The following SNCAIP variants were observed in gnomAD, a reference collection of about 807,000 sequenced individuals.
SNCAIP encodes synuclein alpha interacting protein.
SNCAIP carries 43 observed loss-of-function variants against 86.7 expected under a neutral mutation model. The ratio of observed to expected loss-of-function variants is 0.50; its 90% CI spans 0.39 to 0.64. The LOEUF is 0.64. SNCAIP is among the 30% of genes least tolerant of loss of function. SNCAIP has a pLI of 0.00. For synonymous variants in SNCAIP, 417 were observed against 427.2 expected, an observed-to-expected ratio of 0.98 and a Z score of 0.29; for missense variants, 981 against 1,103.1, an observed-to-expected ratio of 0.89 and a Z score of 1.57.
chr5:122,391,235 C>T lies in SNCAIP; in HGVS notation c.57+44C>T, dbSNP rs745721831. On this transcript the variant is annotated intron_variant, in intron 2 of 10. Coordinates refer to ENST00000261368, the MANE Select transcript of SNCAIP (RefSeq NM_005460.4). ...AAGAAATGCTTTCAAGATAATCTGC[C>T]TTCAACTTCATAGCCTACTTTCTCC... 6 of 1,334,288 alleles carry T rather than the reference C, an allele frequency of 4.5e-6. No individual in the cohort carries two copies. The East Asian group carries it at 9.2e-5, about 20-fold the overall frequency. The allele number at this position is 1,334,288 out of a possible 1,614,324, so 82.7% of individuals were successfully genotyped here.
At chr5:122,416,562 T>C (rs1775350625) in intron 3 of SNCAIP, among the ~76,000 whole-genome samples, 2 of 152,176 alleles carry the variant, frequency 1.3e-5, no homozygotes, top group Non-Finnish European at 2.9e-5. Context: ...TGACTCAGCC[T>C]TAACTTTGAT....
chr5:122,451,895 C>G, intron 10 of SNCAIP: 1 of 326,666 alleles, frequency 3.1e-6, no homozygotes. Context: ...TGTTAGGGTC[C>G]TAGACTTGGA....
intron 1 of SNCAIP, among the ~76,000 whole-genome samples, chr5:122,347,913 G>C (rs1348665897): frequency 6.6e-6 from 1 of 152,018 alleles, no homozygotes; most frequent in African/African-American, 2.4e-5. Flanking sequence ...TAAGCTAAAA[G>C]TGTTTCCCTT....
intron 1 of SNCAIP, among the ~76,000 whole-genome samples, chr5:122,377,516 GA>G (rs1765606882): frequency 1.3e-5 from 2 of 151,548 alleles, no homozygotes; most frequent in South Asian, 4.2e-4. Context: ...GAGAGAGAGA[GA>G]GAGAAAGAAA....
At chr5:122,422,028 ACC>A (rs760446591) in intron 3 of SNCAIP, among the ~76,000 whole-genome samples, 2 of 95,086 alleles carry the variant, frequency 2.1e-5, no homozygotes, top group South Asian at 3.0e-4. Flanking sequence ...AAAAAAAAAA[ACC>A]ACTCTGCCTG....
At chr5:122,376,079 G>T (rs1765245685) in intron 1 of SNCAIP, among the ~76,000 whole-genome samples, 1 of 152,158 alleles carries the variant, frequency 6.6e-6, no homozygotes, top group Non-Finnish European at 1.5e-5. Flanking sequence ...GAATCAGCAA[G>T]TCTGGGATTT....
chr5:122,375,904 A>G (rs2152803338), intron 1 of SNCAIP, among the ~76,000 whole-genome samples: 1 of 152,170 alleles, frequency 6.6e-6, no homozygotes, highest in Admixed American at 6.6e-5. Flanking sequence ...GCATGTGGGG[A>G]AGAGGTCACC....
chr5:122,362,499 A>G (rs1467565824), intron 1 of SNCAIP, among the ~76,000 whole-genome samples: 4 of 152,218 alleles, frequency 2.6e-5, no homozygotes, highest in Non-Finnish European at 5.9e-5. Flanking sequence ...AGAGCTATCT[A>G]GAGGAACTCT....
Position 122,398,277 on chromosome 5 carries a change from A to G in SNCAIP, c.58-5516A>G, listed in dbSNP as rs577364363. 3.9e-5 allele frequency among the ~76,000 whole-genome samples: 6 copies of G among 152,172 alleles called. No individual in the cohort carries two copies. In the South Asian group the frequency reaches 1.2e-3, roughly 32 times the overall value. On this transcript the variant is annotated intron_variant, in intron 2 of 10. Transcript: ENST00000261368. ...AGAGAGGAAAGAATGGTGGCAGGCA[A>G]GAGTCCTTAGGAGATGAGAAAAGAG...
chr5:122,324,505 G>A (rs1580776798), intron 1 of SNCAIP, among the ~76,000 whole-genome samples: 1 of 152,250 alleles, frequency 6.6e-6, no homozygotes, highest in East Asian at 1.9e-4. Context: ...TGTATGATCA[G>A]TATATGTCTG....
intron 1 of SNCAIP, among the ~76,000 whole-genome samples, chr5:122,363,371 C>T (rs1056304577): frequency 2.0e-5 from 3 of 152,106 alleles, no homozygotes; most frequent in Non-Finnish European, 2.9e-5. Context: ...TGTTGTCTTT[C>T]TTGCCTGTTC....
At chr5:122,444,998 G>A in intron 8 of SNCAIP, 1 of 481,220 alleles carries the variant, frequency 2.1e-6, no homozygotes, top group Non-Finnish European at 3.8e-6. Context: ...CAAGGCGAGA[G>A]AGCCTCTCTC....
chr5:122,343,482 A>G (rs1170299651), intron 1 of SNCAIP, among the ~76,000 whole-genome samples: 1 of 152,236 alleles, frequency 6.6e-6, no homozygotes, highest in Non-Finnish European at 1.5e-5. Context: ...AGTTTTTCTT[A>G]AAACTGAAAT....
chr5:122,394,555 C>T (rs1770176199), intron 2 of SNCAIP, among the ~76,000 whole-genome samples: 1 of 152,182 alleles, frequency 6.6e-6, no homozygotes. Context: ...GACACATAAG[C>T]ACAAAGGTTT....
intron 3 of SNCAIP, among the ~76,000 whole-genome samples, chr5:122,412,881 C>T (rs990602425): frequency 6.6e-6 from 1 of 152,326 alleles, no homozygotes. Context: ...CCCTGATGTC[C>T]CACATCAATT....
chr5:122,426,761 G>C (rs1015799457), intron 5 of SNCAIP, among the ~76,000 whole-genome samples: 3 of 152,094 alleles, frequency 2.0e-5, no homozygotes, highest in African/African-American at 4.8e-5. Context: ...CATGAAGAAA[G>C]ATAAATAGAA....
chr5:122,458,215 A>G (rs1256971576), intron 10 of SNCAIP, among the ~76,000 whole-genome samples: 1 of 152,202 alleles, frequency 6.6e-6, no homozygotes, highest in African/African-American at 2.4e-5. Flanking sequence ...GTGAACACCC[A>G]TGAACCAACA....
chr5:122,409,278 T>C (rs184092723), intron 3 of SNCAIP, among the ~76,000 whole-genome samples: 85 of 152,332 alleles, frequency 5.6e-4, no homozygotes, highest in East Asian at 3.7e-3. Flanking sequence ...TCAAAACATA[T>C]TCAGTTTCAT....
intron 1 of SNCAIP, among the ~76,000 whole-genome samples, chr5:122,317,859 A>C (rs1041449981): frequency 6.6e-6 from 1 of 151,860 alleles, no homozygotes; most frequent in Non-Finnish European, 1.5e-5. Flanking sequence ...TCCTCCACCT[A>C]ATCAGTCACC....
Sources: gnomAD v4.1 joint callset for allele counts (sites outside exome capture counted in the v4.1 genomes callset) on GRCh38, gnomAD v4.1.1 for gene constraint, MANE v1.5 for transcripts, NCBI Gene and HGNC (gene_info 2026-07-23, HGNC 2026-07-21) for gene names.